The following RAD54L variants were observed in gnomAD, a reference collection of about 807,000 sequenced individuals.
RAD54L encodes the protein DNA repair and recombination protein RAD54-like.
Under a neutral mutation model 91.6 loss-of-function variants are expected in RAD54L, and 74 were observed. That is an observed-to-expected ratio of 0.81 (90% CI 0.67 to 0.98). The LOEUF (loss-of-function observed/expected upper bound fraction) is 0.98, where lower values mean the gene tolerates loss of function less well. RAD54L is among the 50% of genes least tolerant of loss of function. The pLI is 0.00. For missense variants in RAD54L, 887 were observed against 945.7 expected (o/e 0.94, Z 0.81); for synonymous variants, 304 against 349.7 (o/e 0.87, Z 1.46).
rs72899075 is a variant in RAD54L at position 46,256,635 on chromosome 1, T to A, written c.211-2051T>A. Among the ~76,000 whole-genome samples, 1,065 of 141,638 alleles carry A rather than the reference T, an allele frequency of 7.5e-3. 17 individuals are homozygous for A. The highest frequency in any genetic ancestry group is 0.036 in the Middle Eastern group (10 of 278). 92.9% of individuals were successfully genotyped at this position (141,638 alleles called of 152,430 possible). On this transcript the variant is annotated intron_variant, in intron 3 of 17. Transcript: ENST00000371975. ...GGCGACAAAATGAGACCCTGTCTTT[T>A]AAAAAAAAAAAAAGTCAATAAAAGA...
chr1:46,274,844 G>T (rs1660548677), intron 16 of RAD54L, 127 bp downstream of exon 16: 2 of 1,115,972 alleles, frequency 1.8e-6, no homozygotes, highest in Middle Eastern at 2.7e-4. Flanking sequence ...GGGCCCAGAA[G>T]TGAGTCTTTT....
Position 46,274,136 on chromosome 1 carries a change from A to T in RAD54L, c.1611-2A>T. On this transcript the variant is annotated splice_acceptor_variant, in intron 14 of 17. Transcript: ENST00000371975. LOFTEE classifies it high-confidence loss of function. ...TTTCTTGGGTCTCGAATCCCCCTTC[A>T]GGTACTTATACGTCCGCCTGGATGG... 6.2e-7 allele frequency: 1 copy of T among 1,611,086 alleles called. No individual in the cohort carries two copies. Among genetic ancestry groups the T allele is most frequent in the Non-Finnish European group, 8.5e-7 (1 of 1,177,376 alleles).
chr1:46,269,121 G>A (rs1660347739), intron 9 of RAD54L, among the ~76,000 whole-genome samples: 1 of 152,032 alleles, frequency 6.6e-6, no homozygotes. Flanking sequence ...TGAAAAAACC[G>A]TTCTTTCCCC....
chr1:46,250,102 C>T lies in RAD54L; in HGVS notation c.193C>T (p.Leu65=), dbSNP rs1187652427. Residue 65 remains leucine, a synonymous_variant, in exon 3 of 18, where the codon CTG becomes TTG. Transcript: ENST00000371975. The stretch of plus-strand genomic sequence containing the variant: ...TCAGCTAACCAATCAACCACCTTGT[C>T]TGGACAGCAGTCAGCATGTAAGCCA... ...LSQLTNQPPC[L]DSSQHEAFIR... 15 of 1,614,074 alleles carry T rather than the reference C, an allele frequency of 9.3e-6. No individual in the cohort carries two copies. The highest frequency in any genetic ancestry group is 2.2e-5 in the South Asian group (2 of 91,088).
chr1:46,274,519 C>G lies in RAD54L; in HGVS notation c.1690-19C>G. 6.2e-7 allele frequency: 1 copy of G among 1,611,974 alleles called. No individual in the cohort carries two copies. The highest frequency in any genetic ancestry group is 1.3e-5 in the African/African-American group (1 of 74,940). ...TAGGCTATAAGAGGTTCCTTTTCTC[C>G]TGTTTCTTCTCTTTCCAGAGCCCTG... On this transcript the variant is annotated intron_variant, in intron 15 of 17. Transcript: ENST00000371975.
chr1:46,277,364 A>G (rs962034509), intron 16 of RAD54L: 2 of 228,998 alleles, frequency 8.7e-6, no homozygotes, highest in African/African-American at 4.6e-5. Flanking sequence ...ATAGATTTCT[A>G]TCATTGTATC....
chr1:46,277,575 C>CT (rs1376755221), intron 16 of RAD54L: 91 of 557,286 alleles, frequency 1.6e-4, no homozygotes, highest in Non-Finnish European at 2.3e-4. Flanking sequence ...TAGCCAGGCC[C>CT]TGGGACCCTT....
At chr1:46,271,564 T>G (rs1165266652) in intron 10 of RAD54L, among the ~76,000 whole-genome samples, 1 of 151,868 alleles carries the variant, frequency 6.6e-6, no homozygotes, top group Non-Finnish European at 1.5e-5. Context: ...AGGGAGAGGC[T>G]GGAGAATCGC....
At chr1:46,258,619 C>T in intron 3 of RAD54L, 67 bp from the exon 4 acceptor site, 1 of 1,166,802 alleles carries the variant, frequency 8.6e-7, no homozygotes. Context: ...TAATGTGAAG[C>T]ATATCATGAT....
chr1:46,251,842 G>A (rs1381002031), intron 3 of RAD54L, among the ~76,000 whole-genome samples: 2 of 152,142 alleles, frequency 1.3e-5, no homozygotes, highest in African/African-American at 4.8e-5. Context: ...CTTAGGAGGT[G>A]GAGGTTGCAG....
At chr1:46,262,622 A>G (rs1411807973) in intron 8 of RAD54L, among the ~76,000 whole-genome samples, 1 of 152,004 alleles carries the variant, frequency 6.6e-6, no homozygotes, top group East Asian at 1.9e-4. Flanking sequence ...TTTGTCTGGG[A>G]GGGAGGATTT....
chr1:46,274,709 C>T lies in RAD54L; in HGVS notation c.1861C>T (p.Leu621=), dbSNP rs1557708824. 5.6e-6 allele frequency: 9 copies of T among 1,614,116 alleles called. No homozygotes were observed. The highest frequency in any genetic ancestry group is 7.6e-6 in the Non-Finnish European group (9 of 1,180,038). Residue 621 remains leucine, a synonymous_variant, in exon 16 of 18, where the codon CTG becomes TTG. Transcript: ENST00000371975. ...AAAGAAGACTTGCTATATCTACCGC[C>T]TGCTGTCTGTAAGGATGGTGATAGT... ...GQKKTCYIYR[L]LSAGTIEEKI... is the part of the protein sequence containing the mutation.
intron 3 of RAD54L, among the ~76,000 whole-genome samples, chr1:46,253,100 T>C (rs1342759763): frequency 6.6e-6 from 1 of 151,958 alleles, no homozygotes; most frequent in African/African-American, 2.4e-5. Flanking sequence ...TATAGGAAAA[T>C]TCAGAAAAGT....
intron 8 of RAD54L, 133 bp downstream of exon 8, chr1:46,261,518 A>G: frequency 3.4e-6 from 4 of 1,162,570 alleles, no homozygotes; most frequent in Non-Finnish European, 5.0e-6. Context: ...GACAAGTGAC[A>G]GGGAGAGCCT....
rs11462068 is a variant in RAD54L, at chr1:46,264,392, G to GC, written c.891+3007_891+3008insC. 8.2e-3 allele frequency among the ~76,000 whole-genome samples: 1,251 copies of GC among 152,314 alleles called. 19 individuals are homozygous for GC. Among genetic ancestry groups the GC allele is most frequent in the Middle Eastern group, 0.037 (11 of 294 alleles). ...CAGCTCCCACAGCATCTTCCTCCCA[G>GC]TAACGCTTTTCTCTGGAACACAGTT... On this transcript the variant is annotated intron_variant, in intron 8 of 17. Coordinates refer to ENST00000371975, the MANE Select transcript of RAD54L (RefSeq NM_003579.4).
rs1043683611 is a variant in RAD54L at position 46,261,208 on chromosome 1, T to G, written c.767-53T>G. 1.4e-5 allele frequency: 23 copies of G among 1,606,362 alleles called. No homozygotes were observed. In the African/African-American group the frequency reaches 2.4e-4, roughly 17 times the overall value. On this transcript the variant is annotated intron_variant, in intron 7 of 17. Coordinates refer to ENST00000371975, the MANE Select transcript of RAD54L (RefSeq NM_003579.4). ...AACTGTCTAATTGTTTTTTTTGTTT[T>G]TTTTTTTTTCAAAAGATTCTGAATT...
rs997460570 is a variant in RAD54L, at chr1:46,277,644, A to AGACT, written c.1870-171_1870-168dup. ...TATTCATGTCATGTTCTCAGGAGAC[A>AGACT]GACTGGGAAAATGGACCTCAGCTGA... On this transcript the variant is annotated intron_variant, in intron 16 of 17. Coordinates refer to ENST00000371975, the MANE Select transcript of RAD54L (RefSeq NM_003579.4). 6 of 735,344 alleles carry AGACT rather than the reference A, an allele frequency of 8.2e-6. No homozygotes were observed. In the African/African-American group the frequency reaches 1.1e-4, roughly 13 times the overall value. The allele number at this position is 735,344 out of a possible 1,614,324, so 45.6% of individuals were successfully genotyped here. A position where few individuals can be genotyped will look rare whatever the true frequency, so the allele number is the denominator to read the frequency against.
chr1:46,277,047 G>A (rs1161445369), intron 16 of RAD54L, among the ~76,000 whole-genome samples: 1 of 152,050 alleles, frequency 6.6e-6, no homozygotes. Context: ...TGCCTGCCTC[G>A]GCCTCCAAAA....
At chr1:46,269,833 T>C (rs1461058936) in intron 9 of RAD54L, among the ~76,000 whole-genome samples, 3 of 152,146 alleles carry the variant, frequency 2.0e-5, no homozygotes, top group Admixed American at 6.5e-5. Context: ...CCAGGTGTGG[T>C]GGCTCACAAC....
Sources: gnomAD v4.1 joint callset for allele counts (sites outside exome capture counted in the v4.1 genomes callset) on GRCh38, gnomAD v4.1.1 for gene constraint, MANE v1.5 for transcripts, NCBI Gene and HGNC (gene_info 2026-07-23, HGNC 2026-07-21) for gene names.